The following URGCP variants were observed in gnomAD, a reference collection of about 807,000 sequenced individuals.
URGCP encodes up-regulator of cell proliferation.
URGCP carries 13 observed loss-of-function variants against 24.6 expected under a neutral mutation model. The observed-to-expected ratio is 0.53, with a 90% CI of 0.34 to 0.84. The LOEUF (loss-of-function observed/expected upper bound fraction) is 0.84. Among genes scored for constraint, URGCP ranks in the 40% least tolerant of loss-of-function variants. URGCP has a pLI of 0.01. For missense variants in URGCP, 899 were observed against 1,194.3 expected, an observed-to-expected ratio of 0.75 and a Z score of 3.64; for synonymous variants, 444 against 487.2, an observed-to-expected ratio of 0.91 and a Z score of 1.17.
chr7:43,907,497 A>C (rs112442428), upstream of URGCP, among the ~76,000 whole-genome samples: 150 of 151,790 alleles, frequency 9.9e-4, no homozygotes, highest in African/African-American at 3.3e-3. Context: ...TTTTAAAAAT[A>C]AAATTAAAGT....
intron 1 of URGCP, among the ~76,000 whole-genome samples, chr7:43,920,799 T>A (rs1312798640): frequency 2.0e-5 from 3 of 152,160 alleles, no homozygotes; most frequent in Non-Finnish European, 4.4e-5. Context: ...GTTTTTCTCA[T>A]GAAAACCCAG....
chr7:43,898,356 A>G (rs1210644208), intron 1 of URGCP, among the ~76,000 whole-genome samples: 2 of 152,252 alleles, frequency 1.3e-5, no homozygotes, highest in African/African-American at 4.8e-5. Context: ...CAATGGAAGG[A>G]GAGAGCTCCG....
At chr7:43,911,230 C>T (rs985103609), upstream of URGCP, among the ~76,000 whole-genome samples, 1 of 150,162 alleles carries the variant, frequency 6.7e-6, no homozygotes. Context: ...GTGAAACCTC[C>T]TCTCTACTAA....
chr7:43,911,467 G>A (rs2095910056), upstream of URGCP, among the ~76,000 whole-genome samples: 1 of 150,606 alleles, frequency 6.6e-6, no homozygotes, highest in African/African-American at 2.4e-5. Context: ...AGGCTGAGGA[G>A]GGTGGATCAC....
rs1016416784 is a variant in URGCP at position 43,875,961 on chromosome 7, G to A, written c.*706C>T. 6.5e-6 allele frequency: 1 copy of A among 152,688 alleles called. No homozygotes were observed. Among genetic ancestry groups the A allele is most frequent in the African/African-American group, 2.4e-5 (1 of 41,448 alleles). The allele number at this position is 152,688 out of a possible 1,614,324, so 9.5% of individuals were successfully genotyped here. On this transcript the variant is annotated 3_prime_UTR_variant, in exon 6 of 6. Transcript: ENST00000453200. ...GCGTCTACAATGTGCCAGGCCCTGG[G>A]GACACAGAGCTGGAGAATGTACAGT...
intron 1 of URGCP, among the ~76,000 whole-genome samples, chr7:43,922,789 C>T (rs2095923929): frequency 6.6e-6 from 1 of 151,908 alleles, no homozygotes; most frequent in Non-Finnish European, 1.5e-5. Flanking sequence ...GCCATGTTGC[C>T]CAAGCTGGTC....
In URGCP at chr7:43,917,130, C is replaced by CT. The variant is rs1398039460; in HGVS notation, c.-116+9001dup. On this transcript the variant is annotated intron_variant, in intron 1 of 5. Transcript: ENST00000426198. ...CTCAGCAGGGAGGGAACTCAGAAGC[C>CT]TGACATGTCAGCAAAAGGGTAGGAG... 1.3e-4 allele frequency among the ~76,000 whole-genome samples: 20 copies of CT among 152,178 alleles called. 1 individual carries two copies. Among genetic ancestry groups the CT allele is most frequent in the Non-Finnish European group, 2.6e-4 (18 of 68,042 alleles).
intron 1 of URGCP, among the ~76,000 whole-genome samples, chr7:43,913,721 T>C (rs1371927277): frequency 1.3e-5 from 2 of 151,100 alleles, no homozygotes; most frequent in African/African-American, 2.4e-5. Context: ...ATTTTTGAGA[T>C]GGAATCTCGC....
intron 1 of URGCP, chr7:43,919,637 C>A: frequency 7.2e-7 from 1 of 1,379,852 alleles, no homozygotes; most frequent in African/African-American, 1.4e-5. Flanking sequence ...ACCGCCAGAC[C>A]AACCACTCCT....
chr7:43,885,702 T>C (rs2095861138), intron 3 of URGCP, among the ~76,000 whole-genome samples: 1 of 152,150 alleles, frequency 6.6e-6, no homozygotes. Context: ...AATAAGGCCA[T>C]TCCCTCTCCT....
In URGCP at chr7:43,878,734, G is replaced by A; in HGVS notation, c.729C>T (p.Pro243=). 6.2e-7 allele frequency: 1 copy of A among 1,614,122 alleles called. No homozygotes were observed. The change falls in exon 6 of 6, where the codon CCC becomes CCT. Residue 243 remains proline (P), a synonymous_variant. Transcript: ENST00000453200. This position sits in a 1 kb window ranked among gnomAD's most constrained non-coding sequence, Gnocchi z 5.6. The part of the protein sequence containing the change: ...RGIVRTWWSQ[P]PRGMGSFRED... ...CCCGGAAGCTCCCCATGCCCCTTGGGGGCTGGGACCACCATGTCCTCACAA... is the reference window on the plus strand; with the variant it reads ...CCCGGAAGCTCCCCATGCCCCTTGGAGGCTGGGACCACCATGTCCTCACAA...
rs1047541763 is a variant in URGCP at position 43,918,281 on chromosome 7, A to G, written c.-116+7851T>C. ...AGACCTCAAAAAAAAAAAAAAAAAAAGAAAGAAAAAAAGGATTTCCTTTCC... is the reference window on the plus strand; with the variant it reads ...AGACCTCAAAAAAAAAAAAAAAAAAGGAAAGAAAAAAAGGATTTCCTTTCC... On this transcript the variant is annotated intron_variant, in intron 1 of 5. Coordinates refer to the URGCP transcript ENST00000426198. Among the ~76,000 whole-genome samples, 453 of 150,862 alleles carry G rather than the reference A, an allele frequency of 3.0e-3. 1 individual carries two copies. The highest frequency in any genetic ancestry group is 3.7e-3 in the Non-Finnish European group (252 of 67,646).
intron 1 of URGCP, among the ~76,000 whole-genome samples, chr7:43,890,467 C>T (rs1199195327): frequency 6.6e-6 from 1 of 152,144 alleles, no homozygotes; most frequent in African/African-American, 2.4e-5. Flanking sequence ...CCACCCGCCT[C>T]AGCCTCCCAA....
At chr7:43,911,979 G>GA (rs1198433296) in intron 1 of URGCP, among the ~76,000 whole-genome samples, 7 of 149,168 alleles carry the variant, frequency 4.7e-5, no homozygotes, top group Middle Eastern at 3.4e-3. Context: ...TGGACCAAAA[G>GA]AAAAAAAACA....
At chr7:43,923,614 C>T (rs1462534620) in intron 1 of URGCP, among the ~76,000 whole-genome samples, 1 of 151,996 alleles carries the variant, frequency 6.6e-6, no homozygotes, top group Non-Finnish European at 1.5e-5. Context: ...TGCTTATTGT[C>T]CAGTTGAGTA....
At chr7:43,879,360 A>T (rs1373253381) in intron 5 of URGCP, 100 bp from the exon 6 acceptor site, 1 of 1,385,030 alleles carries the variant, frequency 7.2e-7, no homozygotes, top group African/African-American at 1.4e-5. Flanking sequence ...GGGGAGAGTG[A>T]CGACCCCCTT....
chr7:43,877,513 G>T lies in URGCP; in HGVS notation c.1950C>A (p.Ala650=). The change falls in exon 6 of 6, where the codon GCC becomes GCA. Residue 650 remains alanine, a synonymous_variant. Coordinates refer to ENST00000453200, the MANE Select transcript of URGCP (RefSeq NM_001077663.3). ...GCAGCCCTGTCAGCAGCAGCTCCGA[G>T]GCCAAGCCTGGGAAGTGGGCAAAAC... ...QRRFAHFPGL[A]SELLLTGLPL... The T allele has an allele frequency of 1.2e-6, 2 of 1,613,290 alleles. No individual in the cohort carries two copies. Among genetic ancestry groups the T allele is most frequent in the Non-Finnish European group, 1.7e-6 (2 of 1,180,040 alleles).
At chr7:43,906,815 G>T, upstream of URGCP, 1 of 285,842 alleles carries the variant, frequency 3.5e-6, no homozygotes, top group Non-Finnish European at 6.1e-6. Context: ...ACGCCCACCT[G>T]CCCAGGTGCC....
upstream of URGCP, chr7:43,910,830 T>C (rs1447931473): frequency 1.3e-5 from 2 of 152,132 alleles, no homozygotes; most frequent in African/African-American, 4.8e-5. Flanking sequence ...CACTCCAGCC[T>C]GGGTGACACA....
Sources: gnomAD v4.1 joint callset for allele counts (sites outside exome capture counted in the v4.1 genomes callset) on GRCh38, gnomAD v4.1.1 for gene constraint, Gnocchi (gnomAD v3.1) non-coding constraint, MANE v1.5 for transcripts, NCBI Gene and HGNC (gene_info 2026-07-23, HGNC 2026-07-21) for gene names.